CARMIL1: variants seen among roughly 807,000 people sequenced by gnomAD.
CARMIL1 encodes F-actin-uncapping protein LRRC16A.
In CARMIL1, 90 loss-of-function variants were observed where a neutral mutation model predicts 177.1. That is an observed-to-expected ratio of 0.51 (90% confidence interval 0.43 to 0.61). CARMIL1 has a LOEUF of 0.61. Among genes scored for constraint, CARMIL1 ranks in the 20% least tolerant of loss-of-function variants. CARMIL1 has a pLI of 0.00. For missense variants in CARMIL1, 1,380 were observed against 1,667.0 expected (o/e 0.83, Z 3.00); for synonymous variants, 577 against 606.2 (o/e 0.95, Z 0.71).
intron 29 of CARMIL1, among the ~76,000 whole-genome samples, chr6:25,569,226 G>T (rs1811844838): frequency 6.6e-6 from 1 of 152,206 alleles, no homozygotes; most frequent in African/African-American, 2.4e-5. Flanking sequence ...ACTCTTTTGA[G>T]AATCTCTCTT....
intron 29 of CARMIL1, among the ~76,000 whole-genome samples, chr6:25,557,163 G>A (rs1003104989): frequency 1.3e-5 from 2 of 152,262 alleles, no homozygotes; most frequent in East Asian, 1.9e-4. Context: ...CATTAAAAAT[G>A]TGGAGAAAGA....
chr6:25,343,589 G>A (rs1270520884), intron 2 of CARMIL1, among the ~76,000 whole-genome samples: 1 of 152,034 alleles, frequency 6.6e-6, no homozygotes, highest in Non-Finnish European at 1.5e-5. Flanking sequence ...CTGGACTCCC[G>A]TGTCATCTCT....
At chr6:25,545,860 T>G (rs1809400363) in intron 26 of CARMIL1, among the ~76,000 whole-genome samples, 1 of 152,194 alleles carries the variant, frequency 6.6e-6, no homozygotes, top group African/African-American at 2.4e-5. Flanking sequence ...AACAGTAATG[T>G]AAATAGTAAC....
intron 2 of CARMIL1, among the ~76,000 whole-genome samples, chr6:25,402,988 T>A (rs1794017784): frequency 6.6e-6 from 1 of 151,872 alleles, no homozygotes; most frequent in African/African-American, 2.4e-5. Flanking sequence ...TTTCCCCTAC[T>A]GAGGACAAAC....
chr6:25,335,144 G>A (rs1430404021), intron 2 of CARMIL1, among the ~76,000 whole-genome samples: 2 of 152,168 alleles, frequency 1.3e-5, no homozygotes, highest in African/African-American at 2.4e-5. Flanking sequence ...TGAAGCGTAG[G>A]AAGTCTCCTT....
chr6:25,492,031 A>T lies in CARMIL1; in HGVS notation c.1220+7A>T, dbSNP rs747057646. ...GAACTGTCTTCTCTCACCGGTATAGATTTATTTCTGCTCTCATTGTCATCT... is the reference window on the plus strand; with the variant it reads ...GAACTGTCTTCTCTCACCGGTATAGTTTTATTTCTGCTCTCATTGTCATCT... On this transcript the variant is annotated splice_region_variant and intron_variant, in intron 15 of 36. Transcript: ENST00000329474. 3 of 1,609,750 alleles carry T rather than the reference A, an allele frequency of 1.9e-6. No homozygotes were observed. In the South Asian group the frequency reaches 3.3e-5, roughly 18 times the overall value.
chr6:25,405,561 C>T (rs1297298142), intron 2 of CARMIL1, among the ~76,000 whole-genome samples: 2 of 152,204 alleles, frequency 1.3e-5, no homozygotes, highest in Non-Finnish European at 2.9e-5. Flanking sequence ...ATCGTAAGAG[C>T]TGCAGAATTC....
chr6:25,366,734 CAA>C (rs1244187959), intron 2 of CARMIL1, among the ~76,000 whole-genome samples: 2 of 151,812 alleles, frequency 1.3e-5, no homozygotes, highest in Non-Finnish European at 2.9e-5. Context: ...TTACAGGACA[CAA>C]GAGAATAATC....
chr6:25,603,913 TA>T, intron 33 of CARMIL1, among the ~76,000 whole-genome samples: 1 of 152,270 alleles, frequency 6.6e-6, no homozygotes, highest in South Asian at 2.1e-4. Context: ...TGCAGATTTT[TA>T]AAAAATTTAT....
At chr6:25,440,904 A>T (rs1797687661) in intron 5 of CARMIL1, among the ~76,000 whole-genome samples, 1 of 152,000 alleles carries the variant, frequency 6.6e-6, no homozygotes, top group South Asian at 2.1e-4. Flanking sequence ...TGATGAACAG[A>T]AAAGGGTCTC....
intron 29 of CARMIL1, among the ~76,000 whole-genome samples, chr6:25,564,985 T>G (rs1811432350): frequency 6.6e-6 from 1 of 152,160 alleles, no homozygotes; most frequent in African/African-American, 2.4e-5. Flanking sequence ...GTTCTATGCA[T>G]CATGCCTGGC....
At chr6:25,609,047 T>C (rs1816261608) in intron 35 of CARMIL1, among the ~76,000 whole-genome samples, 1 of 152,156 alleles carries the variant, frequency 6.6e-6, no homozygotes, top group Admixed American at 6.5e-5. Flanking sequence ...AGTTTACAAG[T>C]TTTTGTTGGG....
intron 17 of CARMIL1, among the ~76,000 whole-genome samples, chr6:25,502,012 A>AC (rs1804420549): frequency 1.3e-5 from 2 of 149,920 alleles, no homozygotes; most frequent in South Asian, 4.2e-4. Flanking sequence ...AAAAAAAAAA[A>AC]CCCAAACAAT....
intron 29 of CARMIL1, among the ~76,000 whole-genome samples, chr6:25,566,573 A>G (rs1258149513): frequency 1.3e-5 from 2 of 152,206 alleles, no homozygotes; most frequent in Non-Finnish European, 2.9e-5. Context: ...CTCGCATATT[A>G]TATTATCTTA....
rs1348225958 is a variant in CARMIL1, at chr6:25,441,335, A to ATGTGTGTGTGTGTGTG, written c.371+5732_371+5733insGTGTGTGTGTGTGTGT. ...AACAAACAAACATATATATATATAT[A>ATGTGTGTGTGTGTGTG]TATGTGTGTGTGTGTGTGTGTGTGT... On this transcript the variant is annotated intron_variant, in intron 5 of 36. Coordinates refer to ENST00000329474, the MANE Select transcript of CARMIL1 (RefSeq NM_017640.6). Among the ~76,000 whole-genome samples, 193 of 66,824 alleles carry ATGTGTGTGTGTGTGTG rather than the reference A, an allele frequency of 2.9e-3. 2 individuals carry two copies. The highest frequency in any genetic ancestry group is 4.2e-3 in the Non-Finnish European group (136 of 32,376). The allele number at this position is 66,824 out of a possible 152,430, so 43.8% of individuals were successfully genotyped here. A position where few individuals can be genotyped will look rare whatever the true frequency, so the allele number is the denominator to read the frequency against.
intron 5 of CARMIL1, among the ~76,000 whole-genome samples, chr6:25,446,533 T>G (rs1022944974): frequency 6.6e-6 from 1 of 152,366 alleles, no homozygotes; most frequent in East Asian, 1.9e-4. Flanking sequence ...TGTTCTGGAT[T>G]AGGCTTTGGC....
intron 31 of CARMIL1, 80 bp from the exon 32 acceptor site, chr6:25,594,335 C>T: frequency 3.4e-6 from 3 of 869,772 alleles, no homozygotes; most frequent in Non-Finnish European, 5.5e-6. Flanking sequence ...AGCCCTTAAT[C>T]ACAGTGTCTT....
intron 6 of CARMIL1, 75 bp from the exon 7 acceptor site, chr6:25,450,264 A>G (rs961249269): frequency 5.9e-6 from 6 of 1,025,204 alleles, no homozygotes; most frequent in Non-Finnish European, 7.6e-6. Context: ...AACATCGGCC[A>G]TATTTAAGCT....
At position 25,550,410 on chromosome 6, in the gene CARMIL1, G is replaced by C. The variant is rs183736266; in HGVS notation, c.2329-500G>C. Among the ~76,000 whole-genome samples the C allele has an allele frequency of 4.6e-3, 695 of 152,216 alleles. 3 individuals are homozygous for C. Among genetic ancestry groups the C allele is most frequent in the Middle Eastern group, 0.027 (8 of 294 alleles). On this transcript the variant is annotated intron_variant, in intron 26 of 36. Transcript: ENST00000329474. The stretch of plus-strand genomic sequence containing the variant: ...AAGAGTAAAATTGGCAGTAGTTTCT[G>C]TGATTTTTCTGCTACTGCTGTTTTG...
Sources: gnomAD v4.1 joint callset for allele counts (sites outside exome capture counted in the v4.1 genomes callset) on GRCh38, gnomAD v4.1.1 for gene constraint, MANE v1.5 for transcripts, NCBI Gene and HGNC (gene_info 2026-07-23, HGNC 2026-07-21) for gene names.